Variants in TASOR2 observed in about 807,000 individuals in gnomAD.
TASOR2 encodes transcription activation suppressor family member 2.
A neutral mutation model predicts 199.5 loss-of-function variants in TASOR2; 84 were observed. The observed-to-expected ratio is 0.42, with a 90% CI of 0.35 to 0.50. The LOEUF (loss-of-function observed/expected upper bound fraction) is 0.50, where lower values mean the gene tolerates loss of function less well. Among genes scored for constraint, TASOR2 ranks in the 20% least tolerant of loss-of-function variants. The probability of loss-of-function intolerance (pLI) is 0.02; values close to 1 mark genes in which losing one functional copy is unlikely to be tolerated. For synonymous variants in TASOR2, 1,103 were observed against 1,046.6 expected (o/e 1.05, Z -1.04); for missense variants, 2,796 against 2,835.9 (o/e 0.99, Z 0.32).
chr10:5,704,117 G>T (rs148228276), intron 1 of TASOR2, among the ~76,000 whole-genome samples: 3 of 151,624 alleles, frequency 2.0e-5, no homozygotes, highest in Non-Finnish European at 2.9e-5. Flanking sequence ...CCAGTTACTC[G>T]GGAGGCTGAG....
At chr10:5,695,009 G>A (rs759711753) in intron 1 of TASOR2, among the ~76,000 whole-genome samples, 1 of 152,176 alleles carries the variant, frequency 6.6e-6, no homozygotes, top group Non-Finnish European at 1.5e-5. Context: ...ATTCATAAGA[G>A]ATCAGTCTAT....
chr10:5,741,974 T>G, intron 13 of TASOR2, 123 bp from the exon 15 acceptor site: 1 of 826,404 alleles, frequency 1.2e-6, no homozygotes, highest in Non-Finnish European at 1.9e-6. Context: ...ATGTTTCATA[T>G]CTGTAAATTT....
chr10:5,745,534 C>G (rs1837065964), intron 14 of TASOR2, among the ~76,000 whole-genome samples: 1 of 152,144 alleles, frequency 6.6e-6, no homozygotes, highest in African/African-American at 2.4e-5. Context: ...AATCCCAGCA[C>G]TTTGGGAGGC....
intron 7 of TASOR2, 92 bp downstream of exon 8, chr10:5,723,869 GTTTC>G: frequency 2.9e-6 from 2 of 686,980 alleles, no homozygotes; most frequent in Non-Finnish European, 4.6e-6. Context: ...GCACACTTCT[GTTTC>G]ATCATAAGTG....
Position 5,698,436 on chromosome 10 carries a change from T to C in TASOR2, c.-288+13261T>C, listed in dbSNP as rs1837407612. 6.6e-6 allele frequency among the ~76,000 whole-genome samples: 1 copy of C among 152,126 alleles called. No homozygotes were observed. Among genetic ancestry groups the C allele is most frequent in the South Asian group, 2.1e-4 (1 of 4,836 alleles). On this transcript the variant is annotated intron_variant, in intron 1 of 20. Transcript: ENST00000328090. The surrounding 1 kb of genome is among the most constrained non-coding windows in gnomAD (Gnocchi z 4.4). ...AACATTAGTTAACCGAACAGTTATA[T>C]GATTAAAAATAAAAAAAGAGAGAGA... is the stretch of plus-strand genomic sequence containing the variant.
rs561086395 is a variant in TASOR2, at chr10:5,740,377, T to C, written c.2207T>C (p.Val736Ala). Residue 736 changes from valine to alanine, a missense_variant, in exon 13 of 21, where the codon GTG becomes GCG. Val to Ala is a moderately conservative substitution (Grantham distance 64). Transcript: ENST00000328090. This position sits in a 1 kb window ranked among gnomAD's most constrained non-coding sequence, Gnocchi z 5.3. ...AAAAAATCTTCTTGCTCTCGTATAG[T>C]GCTTAGCTGTGATGACTCCGTTAAG... is the stretch of plus-strand genomic sequence containing the variant. 4 of 1,614,222 alleles carry C rather than the reference T, an allele frequency of 2.5e-6. No individual in the cohort carries two copies. The East Asian group carries it at 6.7e-5, about 27-fold the overall frequency.
chr10:5,728,751 C>CA (rs1834391189), intron 10 of TASOR2, among the ~76,000 whole-genome samples: 2 of 152,098 alleles, frequency 1.3e-5, no homozygotes, highest in Non-Finnish European at 2.9e-5. Flanking sequence ...ATTTTTCAAG[C>CA]ATTTATCATG....
chr10:5,756,360 A>T (rs923318588), intron 15 of TASOR2, among the ~76,000 whole-genome samples: 5 of 152,218 alleles, frequency 3.3e-5, no homozygotes, highest in Non-Finnish European at 5.9e-5. Flanking sequence ...ATTTATGTAG[A>T]TTATTCTGAT....
intron 11 of TASOR2, among the ~76,000 whole-genome samples, chr10:5,733,281 G>C (rs554709462): frequency 6.6e-6 from 1 of 152,172 alleles, no homozygotes; most frequent in East Asian, 1.9e-4. Context: ...GCTGAGGCGG[G>C]TGGATCACTT....
At chr10:5,763,004 C>G in intron 20 of TASOR2, 25 bp from the exon 22 acceptor site, 1 of 1,608,504 alleles carries the variant, frequency 6.2e-7, no homozygotes, top group Non-Finnish European at 8.5e-7. Context: ...TTAAGAAGTT[C>G]TTTATCAATT....
At position 5,748,483 on chromosome 10, in the gene TASOR2, G is replaced by T; in HGVS notation, c.5062G>T (p.Gly1688Cys). The change falls in exon 15 of 21, where the codon GGC becomes TGC. Residue 1688 changes from glycine (G) to cysteine (C), a missense_variant. Gly to Cys is a radical substitution (Grantham distance 159, BLOSUM62 -3). Transcript: ENST00000328090. The surrounding 1 kb of genome is among the most constrained non-coding windows in gnomAD (Gnocchi z 5.1). ...GTTTCAAGCACAGGAAATACCAGCA[G>T]GCAGAATGGCCAGTTTGCTTAAGAA... The T allele has an allele frequency of 1.2e-6, 2 of 1,614,076 alleles. No individual in the cohort carries two copies. The highest frequency in any genetic ancestry group is 1.7e-6 in the Non-Finnish European group (2 of 1,180,038).
intron 18 of TASOR2, 73 bp downstream of exon 19, chr10:5,759,065 C>T: frequency 9.4e-7 from 1 of 1,060,310 alleles, no homozygotes; most frequent in Non-Finnish European, 1.4e-6. Flanking sequence ...GTTCCATGGG[C>T]TCTAGCCTAG....
chr10:5,745,345 C>T (rs1298020253), intron 14 of TASOR2, among the ~76,000 whole-genome samples: 11 of 152,108 alleles, frequency 7.2e-5, no homozygotes, highest in Admixed American at 3.3e-4. Flanking sequence ...GATGAGGGGC[C>T]TTTGTTGACT....
In TASOR2 at chr10:5,747,505, G is replaced by C. The variant is rs898545860; in HGVS notation, c.4084G>C (p.Asp1362His). The C allele has an allele frequency of 2.5e-6, 4 of 1,614,076 alleles. No homozygotes were observed. In the Admixed American group the frequency reaches 6.7e-5, roughly 27 times the overall value. ...AGTAGAAAATAAGGAGAGAAAGGGG[G>C]ATAATTTACAACCAGTTACTTTAAT... The change falls in exon 15 of 21, where the codon GAT becomes CAT. Residue 1362 changes from aspartate (D) to histidine (H), a missense_variant. Asp to His is a moderately conservative substitution (Grantham distance 81, BLOSUM62 -1). Transcript: ENST00000328090.
intron 7 of TASOR2, 149 bp from the exon 9 acceptor site, chr10:5,724,281 G>T (rs1833747793): frequency 2.6e-6 from 1 of 383,328 alleles, no homozygotes. Flanking sequence ...TTTTATGAGG[G>T]AGTTTTATAA....
At chr10:5,728,023 G>A (rs992454073) in intron 10 of TASOR2, among the ~76,000 whole-genome samples, 2 of 151,922 alleles carry the variant, frequency 1.3e-5, no homozygotes, top group East Asian at 3.9e-4. Flanking sequence ...GGCGTTCTGA[G>A]ACCAGCCTAG....
At chr10:5,713,412 A>G (rs1832173012) in intron 2 of TASOR2, among the ~76,000 whole-genome samples, 2 of 152,308 alleles carry the variant, frequency 1.3e-5, no homozygotes, top group South Asian at 4.1e-4. Context: ...GGAGAAGGAA[A>G]GGACCGTGTA....
Position 5,748,563 on chromosome 10 carries a change from C to T in TASOR2, c.5142C>T (p.Gly1714=). Reference sequence around the variant, plus strand: ...AAACCACAGGTCCAGGCACTGCTGGCCCTCAGTCCAACACCACATCTTCTC... The same window carrying T: ...AAACCACAGGTCCAGGCACTGCTGGTCCTCAGTCCAACACCACATCTTCTC... The change falls in exon 15 of 21, where the codon GGC becomes GGT. Residue 1714 remains glycine, a synonymous_variant. Transcript: ENST00000328090. This position sits in a 1 kb window ranked among gnomAD's most constrained non-coding sequence, Gnocchi z 5.1. 2 of 1,613,384 alleles carry T rather than the reference C, an allele frequency of 1.2e-6. No individual in the cohort carries two copies. Among genetic ancestry groups the T allele is most frequent in the Non-Finnish European group, 1.7e-6 (2 of 1,180,020 alleles).
At chr10:5,753,871 GTTAATT>G (rs1418812896) in intron 15 of TASOR2, among the ~76,000 whole-genome samples, 3 of 152,152 alleles carry the variant, frequency 2.0e-5, no homozygotes, top group Non-Finnish European at 2.9e-5. Flanking sequence ...TTGAATTCAG[GTTAATT>G]TTATTTGATT....
Sources: allele counts gnomAD v4.1 joint callset (sites outside exome capture counted in the v4.1 genomes callset), GRCh38; gene constraint gnomAD v4.1.1; non-coding constraint Gnocchi (gnomAD v3.1); transcripts MANE v1.5; gene names NCBI Gene and HGNC (gene_info 2026-07-23, HGNC 2026-07-21).